SBNO2: variants seen among roughly 807,000 people sequenced by gnomAD.
The protein encoded by SBNO2 is strawberry notch homolog 2.
A neutral mutation model predicts 146.3 loss-of-function variants in SBNO2; 89 were observed. The ratio of observed to expected loss-of-function variants is 0.61; its 90% CI spans 0.51 to 0.73. SBNO2 has a LOEUF of 0.73. Among genes scored for constraint, SBNO2 ranks in the 30% least tolerant of loss-of-function variants. The pLI, the probability that SBNO2 is intolerant of heterozygous loss-of-function variation, is 0.00. For missense variants in SBNO2, 2,092 were observed against 2,003.7 expected, an observed-to-expected ratio of 1.04 and a Z score of -0.84; for synonymous variants, 1,147 against 892.6, an observed-to-expected ratio of 1.29 and a Z score of -5.08.
chr19:1,142,259 A>G (rs902133664), intron 4 of SBNO2, among the ~76,000 whole-genome samples: 2 of 126,482 alleles, frequency 1.6e-5, no homozygotes, highest in African/African-American at 6.1e-5. Context: ...CCCTCCCCTC[A>G]ATGACCTCCC....
intron 1 of SBNO2, among the ~76,000 whole-genome samples, chr19:1,168,541 C>T (rs374745789): frequency 6.6e-6 from 1 of 152,202 alleles, no homozygotes; most frequent in Admixed American, 6.5e-5. Context: ...GGCACCCTGG[C>T]GGCTGTCTGT....
chr19:1,148,307 G>C (rs950254495), intron 3 of SBNO2, among the ~76,000 whole-genome samples: 46 of 152,078 alleles, frequency 3.0e-4, no homozygotes, highest in African/African-American at 1.1e-3. Context: ...CTCCACTCCC[G>C]GGCCACAAAC....
chr19:1,122,608 CTTCCG>C, intron 9 of SBNO2, 45 bp downstream of exon 9: 2 of 1,411,592 alleles, frequency 1.4e-6, no homozygotes, highest in South Asian at 1.3e-5. Context: ...TCGCCCCCCG[CTTCCG>C]CCCCCCACCC....
At chr19:1,163,878 G>C (rs1008956041) in intron 1 of SBNO2, among the ~76,000 whole-genome samples, 9 of 152,222 alleles carry the variant, frequency 5.9e-5, no homozygotes, top group Non-Finnish European at 1.0e-4. Context: ...AGTGGCCCCG[G>C]TTGCCTGGAG....
rs866235880 is a variant in SBNO2 at position 1,157,532 on chromosome 19, C to T, written c.-126-3130G>A. Among the ~76,000 whole-genome samples the T allele has an allele frequency of 4.2e-5, 6 of 143,736 alleles. No homozygotes were observed. Among genetic ancestry groups the T allele is most frequent in the Admixed American group, 1.4e-4 (2 of 14,522 alleles). 94.3% of individuals were successfully genotyped at this position (143,736 alleles called of 152,430 possible). A position where few individuals can be genotyped will look rare whatever the true frequency, so the allele number is the denominator to read the frequency against. On this transcript the variant is annotated intron_variant, in intron 1 of 31. Coordinates refer to ENST00000361757, the MANE Select transcript of SBNO2 (RefSeq NM_014963.3). The surrounding 1 kb of genome is among the most constrained non-coding windows in gnomAD (Gnocchi z 6.8). ...TCCCCTGCCTGGTTTTATTTTTGGGCGCGAGTCCCATGACTGGAGGGATGC... is the reference window on the plus strand; with the variant it reads ...TCCCCTGCCTGGTTTTATTTTTGGGTGCGAGTCCCATGACTGGAGGGATGC...
intron 4 of SBNO2, among the ~76,000 whole-genome samples, chr19:1,135,503 G>A (rs1046807950): frequency 6.6e-6 from 1 of 152,236 alleles, no homozygotes; most frequent in African/African-American, 2.4e-5. Context: ...AGGGTCCCTG[G>A]AGCAGGTCAG....
chr19:1,164,520 G>A (rs868737387), intron 1 of SBNO2, among the ~76,000 whole-genome samples: 7 of 82,566 alleles, frequency 8.5e-5, no homozygotes, highest in African/African-American at 1.4e-4. Flanking sequence ...AGGAGGAGGA[G>A]GAACAGGAGG....
chr19:1,147,086 C>A (rs575869352), intron 4 of SBNO2, among the ~76,000 whole-genome samples: 1 of 152,210 alleles, frequency 6.6e-6, no homozygotes, highest in African/African-American at 2.4e-5. Flanking sequence ...AAGGGCTGGG[C>A]GGGGCTCACT....
Position 1,112,545 on chromosome 19 carries a change from GA to G in SBNO2, c.2380-9del, listed in dbSNP as rs2079777830. On this transcript the variant is annotated splice_polypyrimidine_tract_variant and intron_variant, in intron 20 of 31. Coordinates refer to ENST00000361757, the MANE Select transcript of SBNO2 (RefSeq NM_014963.3). The surrounding 1 kb of genome is among the most constrained non-coding windows in gnomAD (Gnocchi z 5.9). ...CGAGATGATGGCCACGAGCTAGGGG[GA>G]AAGAAGGGGCCGGGACACGGTTGGT... The G allele has an allele frequency of 1.3e-6, 2 of 1,594,364 alleles. No individual in the cohort carries two copies. Among genetic ancestry groups the G allele is most frequent in the African/African-American group, 1.3e-5 (1 of 74,772 alleles).
chr19:1,145,760 C>T (rs2080184123), intron 4 of SBNO2, among the ~76,000 whole-genome samples: 1 of 152,174 alleles, frequency 6.6e-6, no homozygotes, highest in Admixed American at 6.5e-5. Context: ...AGCAGCTTGC[C>T]ACACCTTGGC....
At chr19:1,127,415 C>G in intron 5 of SBNO2, 189 bp downstream of exon 5, 2 of 615,688 alleles carry the variant, frequency 3.2e-6, no homozygotes, top group Non-Finnish European at 5.7e-6. Flanking sequence ...TCGCCTTCTC[C>G]TATTCAGGAC....
rs1334113313 is a variant in SBNO2, at chr19:1,132,002, G to C, written c.280-4237C>G. 3 of 1,027,114 alleles carry C rather than the reference G, an allele frequency of 2.9e-6. No individual in the cohort carries two copies. The Admixed American group carries it at 1.1e-4, about 37-fold the overall frequency. The allele number at this position is 1,027,114 out of a possible 1,614,324, so 63.6% of individuals were successfully genotyped here. A position where few individuals can be genotyped will look rare whatever the true frequency, so the allele number is the denominator to read the frequency against. ...TCTAGGATGAGATGCCGGCTGCTCC[G>C]GCAGGGGGCCCGGCCGTCCTGAATG... On this transcript the variant is annotated intron_variant, in intron 4 of 31. Transcript: ENST00000361757.
Position 1,109,920 on chromosome 19 carries a change from GC to G in SBNO2, c.3029-144del. 1 of 640,608 alleles carries G rather than the reference GC, an allele frequency of 1.6e-6. No individual in the cohort carries two copies. Among genetic ancestry groups the G allele is most frequent in the Non-Finnish European group, 2.7e-6 (1 of 372,014 alleles). 39.7% of individuals were successfully genotyped at this position (640,608 alleles called of 1,614,324 possible). Reference sequence around the variant, plus strand: ...GTGTCCTGGATCCTGGCCTGACCTGGCCCAGCGTGGGGATGGTGCACGTGGG... The same window carrying G: ...GTGTCCTGGATCCTGGCCTGACCTGGCCAGCGTGGGGATGGTGCACGTGGG... On this transcript the variant is annotated intron_variant, in intron 26 of 31. Transcript: ENST00000361757. This position sits in a 1 kb window ranked among gnomAD's most constrained non-coding sequence, Gnocchi z 4.2.
intron 4 of SBNO2, among the ~76,000 whole-genome samples, chr19:1,145,060 G>A (rs966786921): frequency 1.1e-4 from 17 of 151,602 alleles, no homozygotes; most frequent in African/African-American, 4.1e-4. Context: ...GGAAGACAGA[G>A]GCAGAGAGGG....
rs1568549801 is a variant in SBNO2, at chr19:1,109,644, G to A, written c.3123+39C>T. 2 of 1,588,746 alleles carry A rather than the reference G, an allele frequency of 1.3e-6. No individual in the cohort carries two copies. The highest frequency in any genetic ancestry group is 1.7e-5 in the Admixed American group (1 of 58,686). ...GGGGTGTGAGTGTGGTGGGGGCGGG[G>A]TGGGCAGAGTGTGAGGGGCTGTGGG... is the stretch of plus-strand genomic sequence containing the variant. On this transcript the variant is annotated intron_variant, in intron 27 of 31. Coordinates refer to ENST00000361757, the MANE Select transcript of SBNO2 (RefSeq NM_014963.3). This position sits in a 1 kb window ranked among gnomAD's most constrained non-coding sequence, Gnocchi z 4.2.
At chr19:1,154,633 C>G (rs183709660) in intron 1 of SBNO2, among the ~76,000 whole-genome samples, 4 of 152,334 alleles carry the variant, frequency 2.6e-5, no homozygotes, top group Admixed American at 2.6e-4. Flanking sequence ...CCTCCCCGGC[C>G]CCAACTACAA....
rs986012379 is a variant in SBNO2, at chr19:1,149,354, G to T, written c.167+15C>A. ...GCAAGCCTGGGGGCCAGGCGGGGAGGGTCCCGGTACTCACCGGCTGTCGCT... is the reference window on the plus strand; with the variant it reads ...GCAAGCCTGGGGGCCAGGCGGGGAGTGTCCCGGTACTCACCGGCTGTCGCT... On this transcript the variant is annotated intron_variant, in intron 3 of 31. Transcript: ENST00000361757. 1.3e-6 allele frequency: 2 copies of T among 1,549,910 alleles called. No homozygotes were observed. The highest frequency in any genetic ancestry group is 1.7e-6 in the Non-Finnish European group (2 of 1,146,534).
chr19:1,116,864 G>A lies in SBNO2; in HGVS notation c.1767C>T (p.Asn589=), dbSNP rs771282788. ...EARTREVLGE[N]DGHLNCFVSA... is the part of the protein sequence containing the mutation. ...AGACGAAGCAGTTGAGGTGCCCATC[G>A]TTCTCCCCCAGCACCTCCCGCGTGC... Residue 589 remains asparagine (N), a synonymous_variant, in exon 16 of 32, where the codon AAC becomes AAT. Transcript: ENST00000361757. 1.6e-5 allele frequency: 25 copies of A among 1,591,492 alleles called. No individual in the cohort carries two copies. The highest frequency in any genetic ancestry group is 6.7e-5 in the African/African-American group (5 of 74,540).
At chr19:1,123,782 A>T in intron 6 of SBNO2, 143 bp from the exon 7 acceptor site, 1 of 1,075,730 alleles carries the variant, frequency 9.3e-7, no homozygotes, top group Non-Finnish European at 1.3e-6. Flanking sequence ...CCCTGCAGCA[A>T]GGTGCTCCCC....
Sources: gnomAD v4.1 joint callset for allele counts (sites outside exome capture counted in the v4.1 genomes callset) on GRCh38, gnomAD v4.1.1 for gene constraint, Gnocchi (gnomAD v3.1) non-coding constraint, MANE v1.5 for transcripts, NCBI Gene and HGNC (gene_info 2026-07-23, HGNC 2026-07-21) for gene names.